PPP2R5C: variants seen among roughly 807,000 people sequenced by gnomAD.
The protein encoded by PPP2R5C is protein phosphatase 2 regulatory subunit B'gamma.
A neutral mutation model predicts 68.9 loss-of-function variants in PPP2R5C; 7 were observed. The observed-to-expected ratio is 0.10, with a 90% CI of 0.06 to 0.19. The LOEUF is 0.19. Ranked by LOEUF, PPP2R5C falls within the 10% of genes least tolerant of loss-of-function variation. The probability of loss-of-function intolerance (pLI) is 1.00; values close to 1 mark genes in which losing one functional copy is unlikely to be tolerated. For synonymous variants in PPP2R5C, 210 were observed against 222.2 expected (o/e 0.95, Z 0.49); for missense variants, 348 against 641.3 (o/e 0.54, Z 4.94).
chr14:101,884,477 G>C (rs1259355749), intron 5 of PPP2R5C, among the ~76,000 whole-genome samples: 2 of 152,236 alleles, frequency 1.3e-5, no homozygotes, highest in Non-Finnish European at 2.9e-5. Context: ...GTCTCAGTGA[G>C]AGGAGGCGGG....
intron 5 of PPP2R5C, among the ~76,000 whole-genome samples, chr14:101,886,462 G>A (rs2749898): frequency 0.1 from 15,714 of 151,782 alleles, 924 homozygotes; most frequent in African/African-American, 0.13. Flanking sequence ...TTCTGTAATT[G>A]TGTGCATGCT....
intron 1 of PPP2R5C, chr14:101,819,173 G>GT (rs986055219): frequency 4.0e-6 from 5 of 1,258,554 alleles, no homozygotes; most frequent in Admixed American, 2.1e-5. Flanking sequence ...GTCGGTTTTG[G>GT]TTTTTTTCCC....
At chr14:101,884,390 G>A (rs569370232) in intron 5 of PPP2R5C, among the ~76,000 whole-genome samples, 6 of 152,328 alleles carry the variant, frequency 3.9e-5, no homozygotes, top group African/African-American at 1.4e-4. Context: ...CTTCAATCTA[G>A]TCAAGTTGAC....
At position 101,862,444 on chromosome 14, in the gene PPP2R5C, C is replaced by T. The variant is rs1293208082; in HGVS notation, c.294+5559C>T. ...TGTGGCAAGAGAGCCATTCAGAGTG[C>T]GCGATCCAGCACTGGATTTGAATGT... On this transcript the variant is annotated intron_variant, in intron 2 of 13. Coordinates refer to ENST00000334743, the Ensembl canonical transcript of PPP2R5C. Among the ~76,000 whole-genome samples, 6 of 152,272 alleles carry T rather than the reference C, an allele frequency of 3.9e-5. No individual in the cohort carries two copies. The South Asian group carries it at 8.3e-4, about 21-fold the overall frequency.
rs138990467 is a variant in PPP2R5C, at chr14:101,896,162, G to A, written c.852+1602G>A. ...AGCCTCCCAAGTAGCTGGGATTACA[G>A]GTGCCTGCCACCATGCCCGGCTAAT... is the stretch of plus-strand genomic sequence containing the variant. On this transcript the variant is annotated intron_variant, in intron 8 of 13. Transcript: ENST00000334743. Among the ~76,000 whole-genome samples, 61 of 152,152 alleles carry A rather than the reference G, an allele frequency of 4.0e-4. 3 individuals carry two copies. The East Asian group carries it at 0.012, about 30-fold the overall frequency.
intron 1 of PPP2R5C, among the ~76,000 whole-genome samples, chr14:101,847,640 G>A (rs1370663747): frequency 6.6e-6 from 1 of 150,752 alleles, no homozygotes; most frequent in South Asian, 2.1e-4. Flanking sequence ...GATGCAGGCT[G>A]TGTCCTCATG....
intron 1 of PPP2R5C, among the ~76,000 whole-genome samples, chr14:101,834,820 C>T (rs1289364390): frequency 6.6e-6 from 1 of 152,118 alleles, no homozygotes; most frequent in Non-Finnish European, 1.5e-5. Context: ...GATGACTTTG[C>T]CAAAAAGCTG....
In PPP2R5C at chr14:101,841,604, G is replaced by A. The variant is rs571292216; in HGVS notation, c.95-15082G>A. Among the ~76,000 whole-genome samples the A allele has an allele frequency of 3.9e-5, 6 of 152,330 alleles. No homozygotes were observed. In the South Asian group the frequency reaches 8.3e-4, roughly 21 times the overall value. On this transcript the variant is annotated intron_variant, in intron 1 of 13. Coordinates refer to ENST00000334743, the Ensembl canonical transcript of PPP2R5C. ...GTCAGTCCTCACCTGAGGAGGTGGGGCGAGGAAAGGGGGTTGCCCACGGTC... is the reference window on the plus strand; with the variant it reads ...GTCAGTCCTCACCTGAGGAGGTGGGACGAGGAAAGGGGGTTGCCCACGGTC...
intron 8 of PPP2R5C, among the ~76,000 whole-genome samples, chr14:101,895,463 C>A (rs1250368115): frequency 1.3e-5 from 2 of 152,152 alleles, no homozygotes; most frequent in African/African-American, 2.4e-5. Flanking sequence ...ACCCATTAAA[C>A]AATAACTCTC....
At chr14:101,905,292 T>G (rs1471514619) in intron 9 of PPP2R5C, among the ~76,000 whole-genome samples, 1 of 151,848 alleles carries the variant, frequency 6.6e-6, no homozygotes, top group Admixed American at 6.6e-5. Flanking sequence ...AGGCAGAGGT[T>G]GTAGTGAGTC....
chr14:101,912,265 T>G (rs1298464618), intron 11 of PPP2R5C, 136 bp from the exon 14 acceptor site: 5 of 587,824 alleles, frequency 8.5e-6, no homozygotes, highest in Non-Finnish European at 1.4e-5. Flanking sequence ...GCTCAGCACG[T>G]AAGTGTGGGG....
At chr14:101,761,677 A>ACGC (rs1382018631), upstream of PPP2R5C, 7 of 192,880 alleles carry the variant, frequency 3.6e-5, no homozygotes, top group African/African-American at 8.8e-5. Context: ...GGGCGGAGAG[A>ACGC]CGCCGCCGCT....
intron 2 of PPP2R5C, 110 bp downstream of exon 2, chr14:101,763,080 G>T: frequency 1.0e-6 from 1 of 968,398 alleles, no homozygotes; most frequent in South Asian, 1.6e-5. Context: ...CCCTATGTGA[G>T]GTTTTTTTTT....
chr14:101,891,025 A>G lies in PPP2R5C; in HGVS notation c.689+729A>G, dbSNP rs892224836. Among the ~76,000 whole-genome samples the G allele has an allele frequency of 2.0e-5, 3 of 151,690 alleles. No individual in the cohort carries two copies. Among genetic ancestry groups the G allele is most frequent in the Non-Finnish European group, 4.4e-5 (3 of 67,932 alleles). On this transcript the variant is annotated intron_variant, in intron 6 of 13. Coordinates refer to ENST00000334743, the Ensembl canonical transcript of PPP2R5C. This position sits in a 1 kb window ranked among gnomAD's most constrained non-coding sequence, Gnocchi z 4.9. The stretch of plus-strand genomic sequence containing the variant: ...TGGCCTCAGGTGATCTGCCCGCCTC[A>G]CCTCCCAAAGTGCTGAGATTACAGG...
intron 13 of PPP2R5C, among the ~76,000 whole-genome samples, chr14:101,920,349 C>CCAGT (rs2046941916): frequency 6.6e-6 from 1 of 152,170 alleles, no homozygotes; most frequent in South Asian, 2.1e-4. Context: ...CAGGAAGGAA[C>CCAGT]CAGTCCTATG....
At chr14:101,822,321 G>C (rs2040134588) in intron 1 of PPP2R5C, among the ~76,000 whole-genome samples, 1 of 152,116 alleles carries the variant, frequency 6.6e-6, no homozygotes. Flanking sequence ...ATCCCCCAAA[G>C]AGAAAAACAC....
intron 1 of PPP2R5C, chr14:101,818,933 T>A (rs2039876974): frequency 1.5e-6 from 2 of 1,311,154 alleles, no homozygotes. Flanking sequence ...TCATGAGCAA[T>A]GTGTTCTAAT....
chr14:101,772,901 C>T (rs1243976072), intron 2 of PPP2R5C, among the ~76,000 whole-genome samples: 3 of 152,206 alleles, frequency 2.0e-5, no homozygotes, highest in Non-Finnish European at 4.4e-5. Flanking sequence ...CTTTGTCCTG[C>T]TGATTATGAA....
At chr14:101,787,951 T>C (rs2038195987) in intron 3 of PPP2R5C, among the ~76,000 whole-genome samples, 1 of 152,156 alleles carries the variant, frequency 6.6e-6, no homozygotes, top group South Asian at 2.1e-4. Flanking sequence ...AAATATGTGT[T>C]GAGCGCCTGT....
Sources: allele counts gnomAD v4.1 joint callset (sites outside exome capture counted in the v4.1 genomes callset), GRCh38; gene constraint gnomAD v4.1.1; non-coding constraint Gnocchi (gnomAD v3.1); transcripts MANE v1.5; gene names NCBI Gene and HGNC (gene_info 2026-07-23, HGNC 2026-07-21).